Variants in APPL1 observed in about 807,000 individuals in gnomAD.
APPL1 encodes the protein adaptor protein, phosphotyrosine interacting with PH domain and leucine zipper 1.
APPL1 carries 42 observed loss-of-function variants against 106.8 expected under a neutral mutation model. The ratio of observed to expected loss-of-function variants is 0.39; its 90% confidence interval spans 0.31 to 0.51. The LOEUF is 0.51. Among genes scored for constraint, APPL1 ranks in the 20% least tolerant of loss-of-function variants. APPL1 has a pLI of 0.75. For synonymous variants in APPL1, 263 were observed against 281.8 expected, an observed-to-expected ratio of 0.93 and a Z score of 0.67; for missense variants, 769 against 858.2, an observed-to-expected ratio of 0.90 and a Z score of 1.30.
chr3:57,251,369 C>T (rs926910998), intron 11 of APPL1, among the ~76,000 whole-genome samples: 1 of 151,112 alleles, frequency 6.6e-6, no homozygotes, highest in African/African-American at 2.4e-5. Flanking sequence ...ACTAAAAATA[C>T]AAAAATTATC....
chr3:57,269,678 A>G lies in APPL1; in HGVS notation c.2121A>G (p.Ser707=), dbSNP rs751317796. 1.3e-5 allele frequency: 21 copies of G among 1,613,944 alleles called. No homozygotes were observed. Among genetic ancestry groups the G allele is most frequent in the Non-Finnish European group, 1.7e-5 (20 of 1,179,956 alleles). Residue 707 remains serine (S), a synonymous_variant, in exon 22 of 22, where the codon TCA becomes TCG. Coordinates refer to ENST00000288266, the MANE Select transcript of APPL1 (RefSeq NM_012096.3). Reference sequence around the variant, plus strand: ...GAGAAGGAGGAAAGAAGAGAGAATCAGAAGCATAAGCTTATACTTTTGGTA... The same window carrying G: ...GAGAAGGAGGAAAGAAGAGAGAATCGGAAGCATAAGCTTATACTTTTGGTA... The part of the protein sequence containing the change: ...DLGEGGKKRE[S]EA
intron 1 of APPL1, among the ~76,000 whole-genome samples, chr3:57,233,437 A>G (rs1278342958): frequency 6.6e-6 from 1 of 151,984 alleles, no homozygotes. Flanking sequence ...TTATGCTACA[A>G]GTTTTTACAT....
At position 57,252,327 on chromosome 3, in the gene APPL1, GTTCATTTC is replaced by G. The variant is rs766028863; in HGVS notation, c.1095+23_1095+30del. 28 of 1,555,958 alleles carry G rather than the reference GTTCATTTC, an allele frequency of 1.8e-5. No individual in the cohort carries two copies. The highest frequency in any genetic ancestry group is 2.3e-5 in the Non-Finnish European group (26 of 1,136,000). Reference sequence around the variant, plus strand: ...TCATGAAGAGGTAAGATTTTACCTAGTTCATTTCTTCATTGACATTTTAAAATATTTTT... The same window carrying G: ...TCATGAAGAGGTAAGATTTTACCTAGTTCATTGACATTTTAAAATATTTTT... On this transcript the variant is annotated intron_variant, in intron 12 of 21. Transcript: ENST00000288266.
intron 19 of APPL1, among the ~76,000 whole-genome samples, chr3:57,266,999 T>C (rs1291159489): frequency 6.6e-6 from 1 of 150,640 alleles, no homozygotes; most frequent in African/African-American, 2.4e-5. Context: ...ACTATAGCCT[T>C]GTAATATATT....
rs749486627 is a variant in APPL1, at chr3:57,252,258, T to G, written c.1053-11T>G. The G allele has an allele frequency of 2.5e-6, 4 of 1,607,068 alleles. No homozygotes were observed. Among genetic ancestry groups the G allele is most frequent in the Non-Finnish European group, 2.5e-6 (3 of 1,176,972 alleles). Reference sequence around the variant, plus strand: ...TAAACAGTTGAGGCTCAAACGTCTCTTCTCTTCCAGATCTTCAATTTTGCA... The same window carrying G: ...TAAACAGTTGAGGCTCAAACGTCTCGTCTCTTCCAGATCTTCAATTTTGCA... On this transcript the variant is annotated splice_polypyrimidine_tract_variant and intron_variant, in intron 11 of 21. Coordinates refer to ENST00000288266, the MANE Select transcript of APPL1 (RefSeq NM_012096.3).
In APPL1 at chr3:57,246,818, C is replaced by T. The variant is rs140077877; in HGVS notation, c.622-577C>T. On this transcript the variant is annotated intron_variant, in intron 8 of 21. Coordinates refer to ENST00000288266, the MANE Select transcript of APPL1 (RefSeq NM_012096.3). Reference sequence around the variant, plus strand: ...AGGAGTTTGAGACTAGCCTCAGCAACGTAGGGAGACCCCATCTCTACAAAA... The same window carrying T: ...AGGAGTTTGAGACTAGCCTCAGCAATGTAGGGAGACCCCATCTCTACAAAA... Among the ~76,000 whole-genome samples, 877 of 151,942 alleles carry T rather than the reference C, an allele frequency of 5.8e-3. 9 individuals carry two copies. The highest frequency in any genetic ancestry group is 0.021 in the African/African-American group (851 of 41,444).
intron 8 of APPL1, 106 bp from the exon 9 acceptor site, chr3:57,247,289 G>A (rs1427353768): frequency 3.1e-6 from 2 of 637,218 alleles, no homozygotes; most frequent in Non-Finnish European, 5.4e-6. Context: ...ATATTCCTTT[G>A]TTTTTTACTT....
In APPL1 at chr3:57,268,670, TA is replaced by T. The variant is rs577977511; in HGVS notation, c.1983+184del. The T allele has an allele frequency of 1.3e-4, 60 of 477,278 alleles. 1 individual carries two copies. Among genetic ancestry groups the T allele is most frequent in the African/African-American group, 1.2e-3 (59 of 51,174 alleles). 29.6% of individuals were successfully genotyped at this position (477,278 alleles called of 1,614,324 possible). The stretch of plus-strand genomic sequence containing the variant: ...CTGTTTTTTGATATGATGTTTACAT[TA>T]TAGTTACGTTGACATGTAATATGAC... On this transcript the variant is annotated intron_variant, in intron 21 of 21. Coordinates refer to ENST00000288266, the MANE Select transcript of APPL1 (RefSeq NM_012096.3).
intron 9 of APPL1, among the ~76,000 whole-genome samples, chr3:57,247,953 C>T (rs138469760): frequency 1.9e-4 from 29 of 152,274 alleles, no homozygotes; most frequent in Middle Eastern, 6.8e-3. Flanking sequence ...TTGAAAATTA[C>T]GCCAAAATCA....
At chr3:57,248,113 A>G (rs2060784410) in intron 9 of APPL1, 80 bp from the exon 10 acceptor site, 1 of 1,422,032 alleles carries the variant, frequency 7.0e-7, no homozygotes. Flanking sequence ...ACATACCCGA[A>G]ACAAATATGC....
Position 57,227,766 on chromosome 3 carries a change from G to A in APPL1, c.-118G>A, listed in dbSNP as rs957263732. The A allele has an allele frequency of 9.5e-6, 8 of 839,024 alleles. No individual in the cohort carries two copies. Among genetic ancestry groups the A allele is most frequent in the Non-Finnish European group, 1.3e-5 (8 of 616,682 alleles). The allele number at this position is 839,024 out of a possible 1,614,324, so 52.0% of individuals were successfully genotyped here. A position where few individuals can be genotyped will look rare whatever the true frequency, so the allele number is the denominator to read the frequency against. ...GGCGCCTGGAGAAGGCTGTGCGGGC[G>A]GGGACGGCTGCAGCCCTTGCCGGAG... is the stretch of plus-strand genomic sequence containing the variant. On this transcript the variant is annotated 5_prime_UTR_variant, in exon 1 of 22. Transcript: ENST00000288266.
chr3:57,255,415 T>A (rs1467610694), intron 13 of APPL1, among the ~76,000 whole-genome samples: 3 of 152,176 alleles, frequency 2.0e-5, no homozygotes, highest in South Asian at 4.1e-4. Context: ...CTGATTGATA[T>A]GAAGGATGAA....
rs1254382010 is a variant in APPL1 at position 57,247,423 on chromosome 3, A to G, written c.650A>G (p.Asn217Ser). ...AGTTTCTTTAAGATGGGTTCTGAAAATCTTAATGAACAACTGGAAGAATTT... is the reference window on the plus strand; with the variant it reads ...AGTTTCTTTAAGATGGGTTCTGAAAGTCTTAATGAACAACTGGAAGAATTT... The part of the protein sequence containing the change: ...QISFFKMGSE[N>S]LNEQLEEFLA... The change falls in exon 9 of 22, where the codon AAT becomes AGT. Residue 217 changes from asparagine (N) to serine (S), a missense_variant. By Grantham distance (46) the Asn-to-Ser change is conservative (BLOSUM62 1). Coordinates refer to ENST00000288266, the MANE Select transcript of APPL1 (RefSeq NM_012096.3). 1.9e-5 allele frequency: 30 copies of G among 1,611,486 alleles called. No homozygotes were observed. Among genetic ancestry groups the G allele is most frequent in the Non-Finnish European group, 2.5e-5 (30 of 1,178,260 alleles).
chr3:57,245,134 G>A (rs1026964190), intron 7 of APPL1, among the ~76,000 whole-genome samples: 4 of 152,156 alleles, frequency 2.6e-5, no homozygotes, highest in Admixed American at 6.5e-5. Context: ...ACTTGGGAAG[G>A]TGAGAGGGAG....
intron 11 of APPL1, among the ~76,000 whole-genome samples, 160 bp downstream of exon 11, chr3:57,249,708 T>A (rs2060793237): frequency 6.6e-6 from 1 of 152,238 alleles, no homozygotes; most frequent in Admixed American, 6.5e-5. Context: ...AATTTTTGTC[T>A]CTGGCTTGGT....
Position 57,252,197 on chromosome 3 carries a change from A to G in APPL1, c.1053-72A>G, listed in dbSNP as rs2060808691. The G allele has an allele frequency of 3.1e-6, 4 of 1,290,390 alleles. No individual in the cohort carries two copies. The South Asian group carries it at 5.3e-5, about 17-fold the overall frequency. The allele number at this position is 1,290,390 out of a possible 1,614,324, so 79.9% of individuals were successfully genotyped here. A position where few individuals can be genotyped will look rare whatever the true frequency, so the allele number is the denominator to read the frequency against. On this transcript the variant is annotated intron_variant, in intron 11 of 21. Coordinates refer to ENST00000288266, the MANE Select transcript of APPL1 (RefSeq NM_012096.3). ...ATATATGCCTTTAACTTTAAAGATT[A>G]AAAAGTTACCTCGGATTATGTTGAA...
At chr3:57,268,513 TTA>T in intron 21 of APPL1, 26 bp downstream of exon 21, 2 of 1,553,730 alleles carry the variant, frequency 1.3e-6, no homozygotes, top group East Asian at 4.5e-5. Context: ...GTCTGGATCT[TTA>T]TGTGTTGTTT....
chr3:57,237,365 T>G (rs2060721797), intron 2 of APPL1, 127 bp from the exon 3 acceptor site: 1 of 684,278 alleles, frequency 1.5e-6, no homozygotes, highest in Admixed American at 3.2e-5. Flanking sequence ...TTCCAGTGAT[T>G]TAATGAAGGT....
In APPL1 at chr3:57,249,521, T is replaced by C; in HGVS notation, c.1025T>C (p.Phe342Ser). 6.3e-7 allele frequency: 1 copy of C among 1,596,924 alleles called. No homozygotes were observed. The highest frequency in any genetic ancestry group is 8.5e-7 in the Non-Finnish European group (1 of 1,173,280). Residue 342 changes from phenylalanine to serine, a missense_variant, in exon 11 of 22, where the codon TTT becomes TCT. Coordinates refer to ENST00000288266, the MANE Select transcript of APPL1 (RefSeq NM_012096.3). ...GACTGTGAAGACAGACGATATTGTT[T>C]TCAGATCACCTCTTTCGATGGAAAA... The part of the protein sequence containing the change: ...AVDCEDRRYC[F>S]QITSFDGKKS...
Sources: gnomAD v4.1 joint callset for allele counts (sites outside exome capture counted in the v4.1 genomes callset) on GRCh38, gnomAD v4.1.1 for gene constraint, MANE v1.5 for transcripts, NCBI Gene and HGNC (gene_info 2026-07-23, HGNC 2026-07-21) for gene names.